Variants in MTNR1A observed in about 807,000 individuals in gnomAD.
MTNR1A encodes melatonin receptor 1A.
MTNR1A carries 7 observed loss-of-function variants against 5.5 expected under a neutral mutation model. The observed-to-expected ratio is 1.28, with a 90% CI of 0.73 to 2.40. MTNR1A has a LOEUF of 2.40. MTNR1A is among the 30% of genes most tolerant of loss of function. The pLI, the probability that MTNR1A is intolerant of heterozygous loss-of-function variation, is 0.00. For synonymous variants in MTNR1A, 196 were observed against 202.7 expected (o/e 0.97, Z 0.28); for missense variants, 441 against 464.4 (o/e 0.95, Z 0.46).
At chr4:186,549,038 T>G (rs1356049668) in intron 1 of MTNR1A, among the ~76,000 whole-genome samples, 1 of 151,428 alleles carries the variant, frequency 6.6e-6, no homozygotes, top group African/African-American at 2.4e-5. Flanking sequence ...CAAAAAATCT[T>G]AAAAGTAAAA....
chr4:186,539,998 G>T (rs1214686469), intron 1 of MTNR1A, among the ~76,000 whole-genome samples: 1 of 152,200 alleles, frequency 6.6e-6, no homozygotes, highest in Non-Finnish European at 1.5e-5. Flanking sequence ...TGGACTTACA[G>T]TTCCACGTGG....
chr4:186,548,765 T>C (rs923484077), intron 1 of MTNR1A, among the ~76,000 whole-genome samples: 12 of 143,376 alleles, frequency 8.4e-5, no homozygotes, highest in Non-Finnish European at 1.7e-4. Flanking sequence ...AAATGACCTA[T>C]AATAGCACTA....
chr4:186,555,141 C>G lies in MTNR1A; in HGVS notation c.184+41G>C, dbSNP rs775131955. ...GCTGGCTGCCCGCGGAGAGGCGCTG[C>G]GTCCGGAGCGCTGGCCCAGGGGAGG... On this transcript the variant is annotated intron_variant, in intron 1 of 1. Coordinates refer to ENST00000307161, the MANE Select transcript of MTNR1A (RefSeq NM_005958.4). The surrounding 1 kb of genome is among the most constrained non-coding windows in gnomAD (Gnocchi z 4.1). 40 of 1,561,672 alleles carry G rather than the reference C, an allele frequency of 2.6e-5. No individual in the cohort carries two copies. The South Asian group carries it at 4.6e-4, about 18-fold the overall frequency.
intron 1 of MTNR1A, among the ~76,000 whole-genome samples, chr4:186,543,787 T>C (rs192329192): frequency 1.3e-5 from 2 of 152,332 alleles, no homozygotes; most frequent in Admixed American, 1.3e-4. Flanking sequence ...GATGGAAGCA[T>C]AATTTTGATG....
At chr4:186,550,803 T>C (rs1737252539) in intron 1 of MTNR1A, among the ~76,000 whole-genome samples, 1 of 152,190 alleles carries the variant, frequency 6.6e-6, no homozygotes, top group Non-Finnish European at 1.5e-5. Flanking sequence ...ACAAATTCAA[T>C]CATGTATTTG....
chr4:186,536,697 A>G (rs1031725106), intron 1 of MTNR1A, among the ~76,000 whole-genome samples: 6 of 152,354 alleles, frequency 3.9e-5, no homozygotes, highest in African/African-American at 1.2e-4. Context: ...GAAAGGCAAA[A>G]TTTGTGCCAT....
intron 1 of MTNR1A, among the ~76,000 whole-genome samples, chr4:186,537,674 T>A (rs993211627): frequency 6.6e-5 from 10 of 152,174 alleles, no homozygotes; most frequent in African/African-American, 2.2e-4. Flanking sequence ...GTACGACTAC[T>A]TAGTGAAAGA....
chr4:186,552,043 A>G (rs1219938105), intron 1 of MTNR1A, among the ~76,000 whole-genome samples: 1 of 152,210 alleles, frequency 6.6e-6, no homozygotes, highest in African/African-American at 2.4e-5. Flanking sequence ...TCATGATGAC[A>G]TCTCTCGCTG....
At chr4:186,534,696 G>T in intron 1 of MTNR1A, 139 bp from the exon 2 acceptor site, 1 of 933,956 alleles carries the variant, frequency 1.1e-6, no homozygotes, top group Non-Finnish European at 1.5e-6. Context: ...ATGAAGTGGA[G>T]GCCGTTTCCC....
intron 1 of MTNR1A, among the ~76,000 whole-genome samples, chr4:186,545,179 A>G (rs1009045867): frequency 1.3e-5 from 2 of 152,112 alleles, no homozygotes; most frequent in Admixed American, 6.5e-5. Context: ...ATAGACCTTC[A>G]GCTCTATGAT....
At chr4:186,552,256 C>G (rs1358322187) in intron 1 of MTNR1A, among the ~76,000 whole-genome samples, 1 of 152,166 alleles carries the variant, frequency 6.6e-6, no homozygotes, top group Non-Finnish European at 1.5e-5. Flanking sequence ...GTCAATCTTC[C>G]TCCTAATTTC....
At chr4:186,549,230 C>A (rs2111385656) in intron 1 of MTNR1A, among the ~76,000 whole-genome samples, 1 of 39,746 alleles carries the variant, frequency 2.5e-5, no homozygotes, top group South Asian at 7.8e-4. Context: ...GAACATATTC[C>A]TAAATATGTT....
rs114008046 is a variant in MTNR1A at position 186,542,208 on chromosome 4, G to A, written c.185-7651C>T. 9.0e-3 allele frequency among the ~76,000 whole-genome samples: 1,370 copies of A among 152,280 alleles called. 28 individuals are homozygous for A. The highest frequency in any genetic ancestry group is 0.03 in the African/African-American group (1,243 of 41,560). ...CATTCCCTGGGAAAATCAGCCAGAC[G>A]CTGCTGGTAGGTGGATTACATACCA... is the stretch of plus-strand genomic sequence containing the variant. On this transcript the variant is annotated intron_variant, in intron 1 of 1. Transcript: ENST00000307161.
chr4:186,546,712 CATCCACACCACACCCT>C (rs1737153296), intron 1 of MTNR1A, among the ~76,000 whole-genome samples: 1 of 148,280 alleles, frequency 6.7e-6, no homozygotes, highest in Non-Finnish European at 1.5e-5. Flanking sequence ...TACAACACAC[CATCCACACCACACCCT>C]GTTCATACAA....
chr4:186,534,792 T>C (rs6553008), intron 1 of MTNR1A, among the ~76,000 whole-genome samples: 140,094 of 152,118 alleles, frequency 0.92, 64,660 homozygotes, highest in East Asian at 1. Context: ...CTGTTCCATG[T>C]TCAAAACTGC....
intron 1 of MTNR1A, among the ~76,000 whole-genome samples, chr4:186,539,089 C>A (rs1377023329): frequency 1.3e-5 from 2 of 151,744 alleles, no homozygotes; most frequent in East Asian, 3.9e-4. Flanking sequence ...TGGTGGTGCG[C>A]ACCTGTAGTC....
intron 1 of MTNR1A, among the ~76,000 whole-genome samples, chr4:186,535,697 C>T (rs1444216160): frequency 6.6e-6 from 1 of 152,208 alleles, no homozygotes; most frequent in Non-Finnish European, 1.5e-5. Flanking sequence ...AGGTGTGAGC[C>T]ATTGCTCCCA....
rs1294981854 is a variant in MTNR1A, at chr4:186,533,699, T to C, written c.1043A>G (p.Asp348Gly). Residue 348 changes from aspartate (D) to glycine (G), a missense_variant, in exon 2 of 2, where the codon GAC becomes GGC. By Grantham distance (94) the Asp-to-Gly change is moderately conservative (BLOSUM62 -1). Coordinates refer to ENST00000307161, the MANE Select transcript of MTNR1A (RefSeq NM_005958.4). Reference sequence around the variant, plus strand: ...GAACGTGGTGCTTTTTTAAACGGAGTCCACCTTTACTACATTATTGTTGGT... The same window carrying C: ...GAACGTGGTGCTTTTTTAAACGGAGCCCACCTTTACTACATTATTGTTGGT... Reference protein sequence around the residue: ...LMTNNNVVKVDSV With the variant: ...LMTNNNVVKVGSV 3 of 1,614,002 alleles carry C rather than the reference T, an allele frequency of 1.9e-6. No homozygotes were observed. The highest frequency in any genetic ancestry group is 8.5e-7 in the Non-Finnish European group (1 of 1,180,036).
At chr4:186,541,101 C>T (rs976612112) in intron 1 of MTNR1A, among the ~76,000 whole-genome samples, 1 of 152,192 alleles carries the variant, frequency 6.6e-6, no homozygotes, top group Non-Finnish European at 1.5e-5. Context: ...CCTATGGCCT[C>T]ATGAGGACGT....
Sources: allele counts gnomAD v4.1 joint callset (sites outside exome capture counted in the v4.1 genomes callset), GRCh38; gene constraint gnomAD v4.1.1; non-coding constraint Gnocchi (gnomAD v3.1); transcripts MANE v1.5; gene names NCBI Gene and HGNC (gene_info 2026-07-23, HGNC 2026-07-21).